The following OR2A25 variants were observed in gnomAD, a reference collection of about 807,000 sequenced individuals.
OR2A25 encodes the protein olfactory receptor family 2 subfamily A member 25.
For synonymous variants in OR2A25, 162 were observed against 148.1 expected, an observed-to-expected ratio of 1.09 and a Z score of -0.68; for missense variants, 362 against 368.3, an observed-to-expected ratio of 0.98 and a Z score of 0.14.
rs1271471149 is a variant in OR2A25, at chr7:144,075,217, C to T, written c.*65C>T. On this transcript the variant is annotated 3_prime_UTR_variant, in exon 2 of 2. Transcript: ENST00000641663. Reference sequence around the variant, plus strand: ...TTTGAGATTACATCTGAACCCATCCCTACTCAGGATACATAATCACACTCT... The same window carrying T: ...TTTGAGATTACATCTGAACCCATCCTTACTCAGGATACATAATCACACTCT... 1.1e-5 allele frequency: 13 copies of T among 1,156,208 alleles called. No individual in the cohort carries two copies. Among genetic ancestry groups the T allele is most frequent in the Non-Finnish European group, 1.5e-5 (12 of 802,636 alleles). 71.6% of individuals were successfully genotyped at this position (1,156,208 alleles called of 1,614,324 possible).
chr7:144,074,147 A>T, intron 1 of OR2A25, 69 bp from the exon 2 acceptor site: 1 of 1,332,400 alleles, frequency 7.5e-7, no homozygotes. Context: ...AATAATATGT[A>T]CAGTTGCAGC....
At position 144,075,253 on chromosome 7, in the gene OR2A25, T is replaced by C; in HGVS notation, c.*101T>C. 1 of 859,338 alleles carries C rather than the reference T, an allele frequency of 1.2e-6. No homozygotes were observed. Among genetic ancestry groups the C allele is most frequent in the South Asian group, 1.8e-5 (1 of 56,932 alleles). The allele number at this position is 859,338 out of a possible 1,614,324, so 53.2% of individuals were successfully genotyped here. On this transcript the variant is annotated 3_prime_UTR_variant, in exon 2 of 2. Coordinates refer to ENST00000641663, the MANE Select transcript of OR2A25 (RefSeq NM_001386096.1). ...ACATAATCACACTCTAGAGAACCCT[T>C]TCCATCTTCTTGAAATTTTCCTATG...
At chr7:144,070,911 C>T (rs937357912) in intron 1 of OR2A25, among the ~76,000 whole-genome samples, 8 of 151,834 alleles carry the variant, frequency 5.3e-5, no homozygotes, top group African/African-American at 1.9e-4. Context: ...GAAATAAGCA[C>T]ATCATAGGGA....
In OR2A25 at chr7:144,074,769, C is replaced by T. The variant is rs756838941; in HGVS notation, c.550C>T (p.Leu184Phe). Residue 184 changes from leucine to phenylalanine, a missense_variant, in exon 2 of 2, where the codon CTC becomes TTC. Leu to Phe is a conservative substitution (Grantham distance 22, BLOSUM62 0). Coordinates refer to ENST00000641663, the MANE Select transcript of OR2A25 (RefSeq NM_001386096.1). ...CTTTTTCTGTGAAATTATGGCTGTT[C>T]TCAAACTTGCCTGTGCGGATACCCA... ...NHFFCEIMAV[L>F]KLACADTHIN... 3.7e-6 allele frequency: 6 copies of T among 1,614,060 alleles called. 1 individual carries two copies. In the Admixed American group the frequency reaches 6.7e-5, roughly 18 times the overall value.
intron 1 of OR2A25, among the ~76,000 whole-genome samples, chr7:144,073,141 T>A (rs1028313078): frequency 6.6e-6 from 1 of 152,166 alleles, no homozygotes; most frequent in South Asian, 2.1e-4. Flanking sequence ...AAACATATGG[T>A]TTCATAGAAG....
intron 1 of OR2A25, chr7:144,070,513 A>G (rs2051057821): frequency 6.6e-6 from 1 of 152,096 alleles, no homozygotes; most frequent in African/African-American, 2.4e-5. Context: ...TTACAGACTT[A>G]GCTACTAGAC....
chr7:144,074,006 A>G (rs2051087176), intron 1 of OR2A25, among the ~76,000 whole-genome samples: 1 of 142,444 alleles, frequency 7.0e-6, no homozygotes, highest in South Asian at 2.2e-4. Flanking sequence ...ATACTATAAT[A>G]TCATACTAAC....
At chr7:144,073,310 T>C (rs1384942752) in intron 1 of OR2A25, among the ~76,000 whole-genome samples, 2 of 152,108 alleles carry the variant, frequency 1.3e-5, no homozygotes, top group Non-Finnish European at 2.9e-5. Flanking sequence ...ACAGATTTGA[T>C]CTTTATAAAT....
At position 144,075,018 on chromosome 7, in the gene OR2A25, A is replaced by C; in HGVS notation, c.799A>C (p.Lys267Gln). 1 of 1,614,142 alleles carries C rather than the reference A, an allele frequency of 6.2e-7. No individual in the cohort carries two copies. Among genetic ancestry groups the C allele is most frequent in the Non-Finnish European group, 8.5e-7 (1 of 1,180,002 alleles). ...MYVEPQYESP[K>Q]EQKKYLLLFH... ...TGTTGAGCCCCAGTATGAGAGCCCC[A>C]AGGAGCAGAAGAAATATCTCCTGCT... Residue 267 changes from lysine (K) to glutamine (Q), a missense_variant, in exon 2 of 2, where the codon AAG becomes CAG. Transcript: ENST00000641663.
chr7:144,075,115 C>G lies in OR2A25; in HGVS notation c.896C>G (p.Thr299Ser). 1 of 1,612,126 alleles carries G rather than the reference C, an allele frequency of 6.2e-7. No homozygotes were observed. The highest frequency in any genetic ancestry group is 1.1e-5 in the South Asian group (1 of 90,620). ...YSLRNKEVQG[T>S]LKRMLEKKRT... ...CTTAGGAACAAGGAAGTCCAAGGTA[C>G]TCTAAAGAGGATGCTTGAAAAGAAG... Residue 299 changes from threonine to serine, a missense_variant, in exon 2 of 2, where the codon ACT becomes AGT. By Grantham distance (58) the Thr-to-Ser change is moderately conservative. Coordinates refer to ENST00000641663, the MANE Select transcript of OR2A25 (RefSeq NM_001386096.1).
At position 144,074,983 on chromosome 7, in the gene OR2A25, T is replaced by C; in HGVS notation, c.764T>C (p.Ile255Thr). The change falls in exon 2 of 2, where the codon ATC becomes ACC. Residue 255 changes from isoleucine (I) to threonine (T), a missense_variant. Transcript: ENST00000641663. The stretch of plus-strand genomic sequence containing the variant: ...GTTGGACTCTTTTATGGCACAGCCA[T>C]CATCATGTATGTTGAGCCCCAGTAT... ...CVVGLFYGTA[I>T]IMYVEPQYES... 6.2e-7 allele frequency: 1 copy of C among 1,614,180 alleles called. No homozygotes were observed. Among genetic ancestry groups the C allele is most frequent in the Non-Finnish European group, 8.5e-7 (1 of 1,180,038 alleles).
In OR2A25 at chr7:144,074,533, G is replaced by C; in HGVS notation, c.314G>C (p.Ser105Thr). ...ATGACCCAGATGTTTCTGTTTTTGA[G>C]TTTTGCACATACAGAATGTCTCCTC... ...GCMTQMFLFL[S>T]FAHTECLLLV... is the part of the protein sequence containing the mutation. The change falls in exon 2 of 2, where the codon AGT becomes ACT. Residue 105 changes from serine to threonine, a missense_variant. Ser to Thr is a moderately conservative substitution (Grantham distance 58). Transcript: ENST00000641663. The C allele has an allele frequency of 6.2e-7, 1 of 1,614,220 alleles. No homozygotes were observed. Among genetic ancestry groups the C allele is most frequent in the Non-Finnish European group, 8.5e-7 (1 of 1,180,048 alleles).
Position 144,074,586 on chromosome 7 carries a change from G to C in OR2A25, c.367G>C (p.Val123Leu). The C allele has an allele frequency of 6.2e-7, 1 of 1,614,146 alleles. No individual in the cohort carries two copies. The highest frequency in any genetic ancestry group is 8.5e-7 in the Non-Finnish European group (1 of 1,180,030). ...LLVVMSYDRY[V>L]AICHPLRYST... The stretch of plus-strand genomic sequence containing the variant: ...GGTGGTGATGTCCTATGATCGGTAC[G>C]TGGCCATCTGCCACCCTCTCCGATA... Residue 123 changes from valine to leucine, a missense_variant, in exon 2 of 2, where the codon GTG becomes CTG. By Grantham distance (32) the Val-to-Leu change is conservative. Transcript: ENST00000641663.
At chr7:144,073,670 TCTTAA>T (rs1299929988) in intron 1 of OR2A25, among the ~76,000 whole-genome samples, 1 of 152,216 alleles carries the variant, frequency 6.6e-6, no homozygotes, top group African/African-American at 2.4e-5. Context: ...ACTGCCATTC[TCTTAA>T]CTTAATTCAA....
intron 1 of OR2A25, 101 bp from the exon 2 acceptor site, chr7:144,074,114 GT>G: frequency 2.8e-6 from 3 of 1,064,602 alleles, no homozygotes; most frequent in Non-Finnish European, 4.2e-6. Flanking sequence ...AATTGAAGGT[GT>G]TTTCTTAGAA....
Position 144,074,237 on chromosome 7 carries a change from T to A in OR2A25, c.18T>A (p.Thr6=). 6.2e-7 allele frequency: 1 copy of A among 1,613,686 alleles called. No homozygotes were observed. Among genetic ancestry groups the A allele is most frequent in the Admixed American group, 1.7e-5 (1 of 60,006 alleles). The change falls in exon 2 of 2, where the codon ACT becomes ACA. Residue 6 remains threonine (T), a synonymous_variant. Coordinates refer to ENST00000641663, the MANE Select transcript of OR2A25 (RefSeq NM_001386096.1). Reference sequence around the variant, plus strand: ...ACAGGGAAATGGGGGGAAATCAGACTTCCATCACAGAGTTCCTCCTACTGG... The same window carrying A: ...ACAGGGAAATGGGGGGAAATCAGACATCCATCACAGAGTTCCTCCTACTGG... The part of the protein sequence containing the change: MGGNQ[T]SITEFLLLGF...
At chr7:144,070,505 A>G (rs1389804733) in intron 1 of OR2A25, 1 of 152,166 alleles carries the variant, frequency 6.6e-6, no homozygotes, top group Non-Finnish European at 1.5e-5. Context: ...TCTGCTATTT[A>G]CAGACTTAGC....
intron 1 of OR2A25, among the ~76,000 whole-genome samples, chr7:144,071,790 G>T (rs796512914): frequency 3.3e-5 from 5 of 152,132 alleles, no homozygotes; most frequent in African/African-American, 9.6e-5. Context: ...AAGTAGCATT[G>T]TTATCTTCAT....
In OR2A25 at chr7:144,075,331, G is replaced by A. The variant is rs2051105155; in HGVS notation, c.*179G>A. ...TTTCCTCTCTCCAGCATTGAAGGTC[G>A]GAGCTGCACAATTAATAAAAATATG... On this transcript the variant is annotated 3_prime_UTR_variant, in exon 2 of 2. Transcript: ENST00000641663. 5.5e-6 allele frequency: 3 copies of A among 547,562 alleles called. No homozygotes were observed. The highest frequency in any genetic ancestry group is 3.2e-5 in the Admixed American group (1 of 30,782). 33.9% of individuals were successfully genotyped at this position (547,562 alleles called of 1,614,324 possible).
Sources: allele counts gnomAD v4.1 joint callset (sites outside exome capture counted in the v4.1 genomes callset), GRCh38; gene constraint gnomAD v4.1.1; transcripts MANE v1.5; gene names NCBI Gene and HGNC (gene_info 2026-07-23, HGNC 2026-07-21).